LIG1: variants seen among roughly 807,000 people sequenced by gnomAD.
LIG1 encodes the protein DNA ligase 1.
Under a neutral mutation model 115.7 loss-of-function variants are expected in LIG1, and 70 were observed. The ratio of observed to expected loss-of-function variants is 0.60; its 90% CI spans 0.50 to 0.74. The LOEUF (loss-of-function observed/expected upper bound fraction) is 0.74, where lower values mean the gene tolerates loss of function less well. Ranked by LOEUF, LIG1 falls within the 30% of genes least tolerant of loss-of-function variation. LIG1 has a pLI of 0.00. For synonymous variants in LIG1, 487 were observed against 495.3 expected (o/e 0.98, Z 0.22); for missense variants, 1,115 against 1,225.6 (o/e 0.91, Z 1.35).
At position 48,167,856 on chromosome 19, in the gene LIG1, A is replaced by G. The variant is rs201035095; in HGVS notation, c.-57-2233T>C. 2.8e-3 allele frequency among the ~76,000 whole-genome samples: 425 copies of G among 151,888 alleles called. 5 individuals carry two copies. The highest frequency in any genetic ancestry group is 8.4e-3 in the African/African-American group (346 of 41,412). On this transcript the variant is annotated intron_variant, in intron 1 of 27. Transcript: ENST00000263274. ...AAAAAAAAAAAAAAAAAAAACAAAC[A>G]AAAAAGAAACTCAGCAATTTCCAAA...
chr19:48,154,325 C>G, intron 5 of LIG1: 1 of 336,130 alleles, frequency 3.0e-6, no homozygotes, highest in South Asian at 2.5e-5. Context: ...GTGTTCCAGA[C>G]AGCTTCCCCG....
intron 1 of LIG1, among the ~76,000 whole-genome samples, chr19:48,168,430 A>C (rs928384059): frequency 1.9e-4 from 29 of 152,286 alleles, no homozygotes; most frequent in Admixed American, 1.6e-3. Context: ...CACGGTACTC[A>C]AGGCTGGCTT....
Position 48,122,814 on chromosome 19 carries a change from T to G in LIG1, c.2232+120A>C. ...GTTGCAGCAGGGGGCTGGGGTGGGA[T>G]TGTGAAAAGGGGCCCTGAGCTCAGA... On this transcript the variant is annotated intron_variant, in intron 23 of 27. Transcript: ENST00000263274. The surrounding 1 kb of genome is among the most constrained non-coding windows in gnomAD (Gnocchi z 4.3). 1 of 910,010 alleles carries G rather than the reference T, an allele frequency of 1.1e-6. No individual in the cohort carries two copies. Among genetic ancestry groups the G allele is most frequent in the Non-Finnish European group, 1.9e-6 (1 of 539,774 alleles). The allele number at this position is 910,010 out of a possible 1,614,324, so 56.4% of individuals were successfully genotyped here.
intron 12 of LIG1, among the ~76,000 whole-genome samples, chr19:48,139,749 CT>C (rs1460122241): frequency 1.3e-5 from 2 of 151,856 alleles, no homozygotes; most frequent in Non-Finnish European, 2.9e-5. Context: ...CCCACACCCC[CT>C]GTCCCAGCAC....
chr19:48,167,179 T>C (rs2036530790), intron 1 of LIG1, among the ~76,000 whole-genome samples: 1 of 150,928 alleles, frequency 6.6e-6, no homozygotes. Flanking sequence ...ATAAATTTTC[T>C]ATATCTTTAA....
At chr19:48,142,203 G>A (rs947821129) in intron 11 of LIG1, among the ~76,000 whole-genome samples, 6 of 151,748 alleles carry the variant, frequency 4.0e-5, no homozygotes, top group South Asian at 2.1e-4. Context: ...TTTGGGAGGC[G>A]GAGGTGGGCG....
Position 48,119,123 on chromosome 19 carries a change from C to A in LIG1, c.2439+14G>T. The A allele has an allele frequency of 6.4e-7, 1 of 1,570,622 alleles. No homozygotes were observed. The highest frequency in any genetic ancestry group is 8.6e-7 in the Non-Finnish European group (1 of 1,157,562). On this transcript the variant is annotated intron_variant, in intron 25 of 27. Coordinates refer to ENST00000263274, the MANE Select transcript of LIG1 (RefSeq NM_000234.3). ...GAGAGGGGTGGAGGCTGAGGCGCAG[C>A]CGCCATGGCTCACCTTGAGGCTCTG...
intron 24 of LIG1, chr19:48,120,797 A>AAAAAAAAAATGTGGGGAC (rs1219733038): frequency 4.6e-6 from 2 of 439,298 alleles, no homozygotes; most frequent in African/African-American, 2.2e-5. Flanking sequence ...CACATGGCAG[A>AAAAAAAAAATGTGGGGAC]AAAAAAAAAT....
intron 15 of LIG1, 81 bp downstream of exon 15, chr19:48,135,953 C>A: frequency 1.9e-6 from 2 of 1,026,442 alleles, no homozygotes; most frequent in South Asian, 1.4e-5. Context: ...GGGGAAGGGG[C>A]GGGCATGGGC....
chr19:48,167,002 A>G (rs1372760290), intron 1 of LIG1, among the ~76,000 whole-genome samples: 1 of 150,566 alleles, frequency 6.6e-6, no homozygotes, highest in African/African-American at 2.4e-5. Flanking sequence ...AAAGAAAAAG[A>G]AAAGAAAGGG....
intron 24 of LIG1, chr19:48,120,895 A>T: frequency 8.0e-7 from 1 of 1,245,404 alleles, no homozygotes; most frequent in Non-Finnish European, 1.0e-6. Context: ...ATTTCATAAC[A>T]AAAAAATTCT....
chr19:48,116,197 A>G (rs1048804110), intron 26 of LIG1: 1 of 513,304 alleles, frequency 1.9e-6, no homozygotes, highest in Non-Finnish European at 3.6e-6. Flanking sequence ...TAATCCCAGC[A>G]CTTTGGGAGG....
At chr19:48,136,207 T>C (rs754939117) in intron 14 of LIG1, 82 bp from the exon 15 acceptor site, 2 of 1,031,894 alleles carry the variant, frequency 1.9e-6, no homozygotes, top group Non-Finnish European at 2.9e-6. Flanking sequence ...CTCCTCGACC[T>C]TGATGTATGT....
In LIG1 at chr19:48,117,758, G is replaced by A. The variant is rs765401755; in HGVS notation, c.2463C>T (p.Arg821=). Reference sequence around the variant, plus strand: ...CAGCGCCATCTATCCGCACGTAAGGGCGTGGGCTGGGCAGCACCAGCGCCT... The same window carrying A: ...CAGCGCCATCTATCCGCACGTAAGGACGTGGGCTGGGCAGCACCAGCGCCT... The part of the protein sequence containing the change: ...SLKALVLPSP[R]PYVRIDGAVI... Residue 821 remains arginine (R), a synonymous_variant, in exon 26 of 28, where the codon CGC becomes CGT. Transcript: ENST00000263274. 4 of 1,613,224 alleles carry A rather than the reference G, an allele frequency of 2.5e-6. No homozygotes were observed. The highest frequency in any genetic ancestry group is 3.4e-6 in the Non-Finnish European group (4 of 1,179,824).
At chr19:48,158,684 G>A (rs1459670467) in intron 4 of LIG1, among the ~76,000 whole-genome samples, 1 of 152,248 alleles carries the variant, frequency 6.6e-6, no homozygotes, top group Non-Finnish European at 1.5e-5. Flanking sequence ...CAGCCGGCTT[G>A]CCGGGGGCAG....
intron 21 of LIG1, 98 bp downstream of exon 21, chr19:48,127,179 G>A: frequency 1.0e-6 from 1 of 971,944 alleles, no homozygotes; most frequent in South Asian, 1.3e-5. Context: ...GCCATGTGAA[G>A]TGGCAGAGTC....
intron 24 of LIG1, chr19:48,120,721 C>T (rs559372812): frequency 2.0e-5 from 7 of 342,294 alleles, no homozygotes; most frequent in East Asian, 3.3e-4. Flanking sequence ...TTCCCTGGTG[C>T]GTGGAGCAGG....
chr19:48,165,620 G>A lies in LIG1; in HGVS notation c.-54C>T, dbSNP rs1297419985. On this transcript the variant is annotated 5_prime_UTR_variant, in exon 2 of 28. Transcript: ENST00000263274. ...CAGCACTTTTCTTCGTCTGTCAGCT[G>A]CTCCTGGAACAGAAATCCAAACACT... is the stretch of plus-strand genomic sequence containing the variant. The A allele has an allele frequency of 1.2e-6, 2 of 1,613,082 alleles. No individual in the cohort carries two copies. Among genetic ancestry groups the A allele is most frequent in the East Asian group, 4.5e-5 (2 of 44,872 alleles).
intron 4 of LIG1, among the ~76,000 whole-genome samples, chr19:48,158,084 C>T (rs951191289): frequency 3.3e-5 from 5 of 152,200 alleles, no homozygotes; most frequent in Non-Finnish European, 7.3e-5. Context: ...TCACCTTCCA[C>T]CATGACTGGA....
Sources: allele counts gnomAD v4.1 joint callset (sites outside exome capture counted in the v4.1 genomes callset), GRCh38; gene constraint gnomAD v4.1.1; non-coding constraint Gnocchi (gnomAD v3.1); transcripts MANE v1.5; gene names NCBI Gene and HGNC (gene_info 2026-07-23, HGNC 2026-07-21).